FNTB: variants seen among roughly 807,000 people sequenced by gnomAD.
The protein encoded by FNTB is protein farnesyltransferase subunit beta.
FNTB carries 27 observed loss-of-function variants against 59.4 expected under a neutral mutation model. That is an observed-to-expected ratio of 0.45 (90% CI 0.34 to 0.63). The LOEUF (loss-of-function observed/expected upper bound fraction) is 0.63, where lower values mean the gene tolerates loss of function less well. FNTB is among the 20% of genes least tolerant of loss of function. The pLI is 0.02. For missense variants in FNTB, 449 were observed against 559.6 expected, an observed-to-expected ratio of 0.80 and a Z score of 1.99; for synonymous variants, 230 against 220.7, an observed-to-expected ratio of 1.04 and a Z score of -0.37.
rs1225890286 is a variant in FNTB at position 64,987,002 on chromosome 14, C to G, written c.49C>G (p.Pro17Ala). The G allele has an allele frequency of 6.2e-7, 1 of 1,614,244 alleles. No homozygotes were observed. The highest frequency in any genetic ancestry group is 8.5e-7 in the Non-Finnish European group (1 of 1,180,034). The change falls in exon 1 of 12, where the codon CCC becomes GCC. Residue 17 changes from proline (P) to alanine (A), a missense_variant. This residue lies in a region of FNTB where 112 missense variants were observed against 80.5 expected (regional missense o/e 1.39). Transcript: ENST00000246166. ...FTYYCPPSSS[P>A]VWSEPLYSLR... ...CTACTATTGCCCTCCATCTTCCTCC[C>G]CCGTCTGGTCAGAGCCGCTGTACAG... is the stretch of plus-strand genomic sequence containing the variant.
rs1491563278 is a variant in FNTB, at chr14:65,031,978, ACG to A, written c.606-631_606-630del. On this transcript the variant is annotated intron_variant, in intron 6 of 11. Transcript: ENST00000246166. This position sits in a 1 kb window ranked among gnomAD's most constrained non-coding sequence, Gnocchi z 4.6. Reference sequence around the variant, plus strand: ...TATAGACGTGCGCCTTTTTCATTTAACGTGTGTGTGTGTGTGTGTGTGTGTGT... The same window carrying A: ...TATAGACGTGCGCCTTTTTCATTTAATGTGTGTGTGTGTGTGTGTGTGTGT... 1.8e-5 allele frequency among the ~76,000 whole-genome samples: 2 copies of A among 111,552 alleles called. No individual in the cohort carries two copies. The highest frequency in any genetic ancestry group is 2.8e-4 in the South Asian group (1 of 3,574). The allele number at this position is 111,552 out of a possible 152,430, so 73.2% of individuals were successfully genotyped here. A position where few individuals can be genotyped will look rare whatever the true frequency, so the allele number is the denominator to read the frequency against.
chr14:65,053,164 T>G, intron 9 of FNTB, 74 bp from the exon 10 acceptor site: 894 of 1,165,260 alleles, frequency 7.7e-4, no homozygotes, highest in South Asian at 9.1e-4. Context: ...TTCCCCCAGG[T>G]GAGAAAGTGG....
intron 7 of FNTB, among the ~76,000 whole-genome samples, chr14:65,033,582 G>T (rs2062128055): frequency 1.3e-5 from 2 of 152,170 alleles, no homozygotes; most frequent in Non-Finnish European, 2.9e-5. Flanking sequence ...AGCAGGCCAG[G>T]TGCGGTGGCT....
intron 8 of FNTB, among the ~76,000 whole-genome samples, chr14:65,042,915 A>G (rs1345247139): frequency 6.6e-6 from 1 of 152,172 alleles, no homozygotes; most frequent in African/African-American, 2.4e-5. Context: ...TAGTACCTGA[A>G]CCTGCAGTAC....
chr14:64,993,001 A>C (rs1195800826), intron 1 of FNTB, among the ~76,000 whole-genome samples: 2 of 152,104 alleles, frequency 1.3e-5, no homozygotes, highest in African/African-American at 4.8e-5. Flanking sequence ...ATGTTCGGCT[A>C]CTTTTTATAT....
At chr14:65,015,531 C>A in intron 3 of FNTB, 94 bp from the exon 4 acceptor site, 1 of 1,347,742 alleles carries the variant, frequency 7.4e-7, no homozygotes, top group Non-Finnish European at 1.0e-6. Flanking sequence ...CTCCCCCTTG[C>A]CAGGCTGCTG....
chr14:64,987,014 G>A lies in FNTB; in HGVS notation c.61G>A (p.Glu21Lys). Residue 21 changes from glutamate to lysine, a missense_variant, in exon 1 of 12, where the codon GAG becomes AAG. Physicochemically the swap from Glu to Lys is moderately conservative, Grantham distance 56. This residue lies in a region of FNTB where 112 missense variants were observed against 80.5 expected (regional missense o/e 1.39). Transcript: ENST00000246166. ...TCCATCTTCCTCCCCCGTCTGGTCAGAGCCGCTGTACAGTCTGAGGCCCGA... is the reference window on the plus strand; with the variant it reads ...TCCATCTTCCTCCCCCGTCTGGTCAAAGCCGCTGTACAGTCTGAGGCCCGA... Reference protein sequence around the residue: ...CPPSSSPVWSEPLYSLRPEHA... With the variant: ...CPPSSSPVWSKPLYSLRPEHA... 2 of 1,614,222 alleles carry A rather than the reference G, an allele frequency of 1.2e-6. No individual in the cohort carries two copies. The highest frequency in any genetic ancestry group is 1.7e-6 in the Non-Finnish European group (2 of 1,180,044).
intron 7 of FNTB, among the ~76,000 whole-genome samples, chr14:65,038,266 C>T (rs573944525): frequency 3.2e-4 from 48 of 151,204 alleles, no homozygotes; most frequent in Admixed American, 7.9e-4. Flanking sequence ...AAACATTAGC[C>T]GGGTGTGGTG....
chr14:65,025,530 A>C (rs896520858), intron 4 of FNTB, among the ~76,000 whole-genome samples: 1 of 152,202 alleles, frequency 6.6e-6, no homozygotes, highest in Non-Finnish European at 1.5e-5. Flanking sequence ...AAAATGTGTC[A>C]CATGCTGGGC....
intron 11 of FNTB, among the ~76,000 whole-genome samples, chr14:65,056,462 G>C (rs1272674595): frequency 1.3e-5 from 2 of 152,188 alleles, no homozygotes; most frequent in African/African-American, 2.4e-5. Context: ...CTCTGTAACT[G>C]CTCCCCAGTG....
chr14:65,061,040 C>T, intron 11 of FNTB, 141 bp from the exon 12 acceptor site: 1 of 1,373,188 alleles, frequency 7.3e-7, no homozygotes, highest in East Asian at 2.4e-5. Flanking sequence ...GCAAATACAC[C>T]ATTTTTGAAC....
intron 7 of FNTB, among the ~76,000 whole-genome samples, chr14:65,040,535 G>C (rs778336676): frequency 2.0e-5 from 3 of 150,308 alleles, no homozygotes; most frequent in African/African-American, 7.4e-5. Context: ...CGAACTCCTC[G>C]CCTCAAGTGA....
chr14:64,992,745 A>G (rs1291048733), intron 1 of FNTB, among the ~76,000 whole-genome samples: 2 of 152,140 alleles, frequency 1.3e-5, no homozygotes, highest in East Asian at 3.9e-4. Flanking sequence ...TGTTGGGATT[A>G]CAGACGTGAG....
At chr14:65,006,153 T>C (rs2061583695) in intron 2 of FNTB, 3 of 1,579,864 alleles carry the variant, frequency 1.9e-6, no homozygotes, top group South Asian at 1.1e-5. Context: ...GTTACCTTTG[T>C]GTCTTTTTTT....
chr14:65,028,537 A>C lies in FNTB; in HGVS notation c.605+756A>C, dbSNP rs1478331691. Among the ~76,000 whole-genome samples the C allele has an allele frequency of 3.3e-5, 5 of 152,210 alleles. No individual in the cohort carries two copies. Reference sequence around the variant, plus strand: ...TATGTGTAAATGGGTTTGCTTCTACACAAGTTGATTAATAGTCTGGCTTAA... The same window carrying C: ...TATGTGTAAATGGGTTTGCTTCTACCCAAGTTGATTAATAGTCTGGCTTAA... On this transcript the variant is annotated intron_variant, in intron 6 of 11. Coordinates refer to ENST00000246166, the MANE Select transcript of FNTB (RefSeq NM_002028.4). This position sits in a 1 kb window ranked among gnomAD's most constrained non-coding sequence, Gnocchi z 4.4.
chr14:65,051,880 C>T (rs540515662), intron 9 of FNTB, among the ~76,000 whole-genome samples: 142 of 151,342 alleles, frequency 9.4e-4, no homozygotes, highest in African/African-American at 2.8e-3. Context: ...CTGCAAACTC[C>T]GCCTCCTGGG....
At position 64,994,211 on chromosome 14, in the gene FNTB, G is replaced by A. The variant is rs1888311848; in HGVS notation, c.144+7114G>A. ...AACTCCATGAAATACCTTTTAAACAGAGCTGTCCAGAATGCAGGCATTTGG... is the reference window on the plus strand; with the variant it reads ...AACTCCATGAAATACCTTTTAAACAAAGCTGTCCAGAATGCAGGCATTTGG... On this transcript the variant is annotated intron_variant, in intron 1 of 11. Transcript: ENST00000246166. The surrounding 1 kb of genome is among the most constrained non-coding windows in gnomAD (Gnocchi z 4.2). Among the ~76,000 whole-genome samples the A allele has an allele frequency of 6.6e-6, 1 of 152,152 alleles. No individual in the cohort carries two copies. The highest frequency in any genetic ancestry group is 1.5e-5 in the Non-Finnish European group (1 of 68,028).
intron 11 of FNTB, 83 bp from the exon 12 acceptor site, chr14:65,061,098 A>G: frequency 6.4e-7 from 1 of 1,560,782 alleles, no homozygotes; most frequent in Non-Finnish European, 8.7e-7. Context: ...AATTCTTAGA[A>G]GTGCCTTTCA....
intron 9 of FNTB, among the ~76,000 whole-genome samples, chr14:65,048,990 G>T (rs1435326036): frequency 1.3e-5 from 2 of 152,146 alleles, no homozygotes; most frequent in Non-Finnish European, 2.9e-5. Flanking sequence ...GCCAGGCATG[G>T]TGCCACGTTG....
Sources: gnomAD v4.1 joint callset for allele counts (sites outside exome capture counted in the v4.1 genomes callset) on GRCh38, gnomAD v4.1.1 for gene constraint, gnomAD v4.1.1 regional missense constraint, Gnocchi (gnomAD v3.1) non-coding constraint, MANE v1.5 for transcripts, NCBI Gene and HGNC (gene_info 2026-07-23, HGNC 2026-07-21) for gene names.